DTNB: variants seen among roughly 807,000 people sequenced by gnomAD.
The protein encoded by DTNB is DTN-B.
Under a neutral mutation model 90.7 loss-of-function variants are expected in DTNB, and 63 were observed. The ratio of observed to expected loss-of-function variants is 0.69; its 90% CI spans 0.57 to 0.86. DTNB has a LOEUF of 0.86. Among genes scored for constraint, DTNB ranks in the 40% least tolerant of loss-of-function variants. The probability of loss-of-function intolerance (pLI) is 0.00; values close to 1 mark genes in which losing one functional copy is unlikely to be tolerated. For missense variants in DTNB, 744 were observed against 807.1 expected (o/e 0.92, Z 0.95); for synonymous variants, 277 against 286.7 (o/e 0.97, Z 0.34).
chr2:25,502,468 C>T (rs1185987015), intron 9 of DTNB, among the ~76,000 whole-genome samples: 1 of 152,104 alleles, frequency 6.6e-6, no homozygotes, highest in Non-Finnish European at 1.5e-5. Flanking sequence ...CACAGTGGCT[C>T]ACTCCTGTAA....
At chr2:25,509,490 G>A (rs2073410510) in intron 9 of DTNB, among the ~76,000 whole-genome samples, 1 of 150,948 alleles carries the variant, frequency 6.6e-6, no homozygotes, top group East Asian at 1.9e-4. Context: ...ATCTGCAAAT[G>A]TTTTTGTCTT....
In DTNB at chr2:25,482,789, T is replaced by C. The variant is rs1247099725; in HGVS notation, c.1079+7A>G. The C allele has an allele frequency of 1.2e-6, 2 of 1,613,466 alleles. No individual in the cohort carries two copies. Among genetic ancestry groups the C allele is most frequent in the Non-Finnish European group, 1.7e-6 (2 of 1,179,766 alleles). ...ACACCCAAGTCGAAGGCACAAGACA[T>C]ACGTACCTCTTGGTGGGAGTGGGCA... On this transcript the variant is annotated splice_region_variant and intron_variant, in intron 10 of 20. Coordinates refer to ENST00000406818, the MANE Select transcript of DTNB (RefSeq NM_021907.5).
chr2:25,665,913 A>G (rs2084327688), intron 1 of DTNB, among the ~76,000 whole-genome samples: 1 of 152,198 alleles, frequency 6.6e-6, no homozygotes, highest in African/African-American at 2.4e-5. Flanking sequence ...AAGAGTTCTG[A>G]GTAGCTAAAT....
intron 6 of DTNB, among the ~76,000 whole-genome samples, chr2:25,590,057 A>G (rs1197445536): frequency 1.3e-5 from 2 of 152,164 alleles, no homozygotes; most frequent in East Asian, 3.9e-4. Flanking sequence ...GACCAGGCAT[A>G]CTGCAAGCTG....
intron 5 of DTNB, among the ~76,000 whole-genome samples, chr2:25,600,935 G>A (rs2065746326): frequency 1.3e-5 from 2 of 152,092 alleles, no homozygotes; most frequent in Non-Finnish European, 1.5e-5. Context: ...TAAGAGAAGT[G>A]GAAACATGTC....
At chr2:25,449,609 C>T (rs2058965029) in intron 12 of DTNB, among the ~76,000 whole-genome samples, 1 of 152,064 alleles carries the variant, frequency 6.6e-6, no homozygotes, top group Non-Finnish European at 1.5e-5. Flanking sequence ...ACTGGCATAT[C>T]TTCTTTGTGG....
chr2:25,548,307 T>C (rs1187016221), intron 8 of DTNB, among the ~76,000 whole-genome samples: 1 of 152,220 alleles, frequency 6.6e-6, no homozygotes, highest in African/African-American at 2.4e-5. Flanking sequence ...TTTAGGTACA[T>C]TGTGCTTTTC....
chr2:25,512,874 A>G (rs969745878), intron 9 of DTNB, among the ~76,000 whole-genome samples: 2 of 152,260 alleles, frequency 1.3e-5, no homozygotes, highest in Non-Finnish European at 2.9e-5. Flanking sequence ...TCCATAAATT[A>G]GTAGTAGAAG....
At chr2:25,557,234 A>G (rs936231776) in intron 8 of DTNB, among the ~76,000 whole-genome samples, 1 of 152,212 alleles carries the variant, frequency 6.6e-6, no homozygotes, top group African/African-American at 2.4e-5. Flanking sequence ...GACTGGAGTT[A>G]GAGGGAGTAT....
intron 8 of DTNB, among the ~76,000 whole-genome samples, chr2:25,562,849 T>G (rs1161269588): frequency 6.6e-6 from 1 of 152,216 alleles, no homozygotes; most frequent in Non-Finnish European, 1.5e-5. Context: ...CTCAGCTCAC[T>G]GCAACCTCCA....
chr2:25,553,481 T>C (rs989764574), intron 8 of DTNB, among the ~76,000 whole-genome samples: 1 of 151,966 alleles, frequency 6.6e-6, no homozygotes, highest in Non-Finnish European at 1.5e-5. Context: ...CTCATGCTTG[T>C]AATCCTAGCA....
At chr2:25,625,747 TCTTC>T (rs2073997086) in intron 4 of DTNB, among the ~76,000 whole-genome samples, 1 of 152,094 alleles carries the variant, frequency 6.6e-6, no homozygotes, top group Non-Finnish European at 1.5e-5. Flanking sequence ...ATCTCTGCCC[TCTTC>T]CTTCCTCTCC....
chr2:25,596,112 A>G lies in DTNB; in HGVS notation c.577T>C (p.Ser193Pro). 1.2e-6 allele frequency: 2 copies of G among 1,612,418 alleles called. No individual in the cohort carries two copies. The highest frequency in any genetic ancestry group is 1.7e-6 in the Non-Finnish European group (2 of 1,179,292). The change falls in exon 6 of 21, where the codon TCA (serine) becomes CCA (proline). Residue 193 changes from serine (S) to proline (P), a missense_variant. By Grantham distance (74) the Ser-to-Pro change is moderately conservative. Coordinates refer to ENST00000406818, the MANE Select transcript of DTNB (RefSeq NM_021907.5). ...EGPSFGYTEH[S>P]VRTCFPQQRK... ...TGCTGTGGAAAACAGGTGCGGACTG[A>G]GTGCTCTGTGTAACCAAAAGATGGC...
At chr2:25,476,668 T>A (rs2063805810) in intron 10 of DTNB, among the ~76,000 whole-genome samples, 1 of 152,138 alleles carries the variant, frequency 6.6e-6, no homozygotes, top group Non-Finnish European at 1.5e-5. Context: ...TAGAATTAGG[T>A]GTGAAGCCTG....
chr2:25,600,715 C>A (rs1308273980), intron 5 of DTNB, among the ~76,000 whole-genome samples: 1 of 152,132 alleles, frequency 6.6e-6, no homozygotes, highest in Non-Finnish European at 1.5e-5. Flanking sequence ...GCTTCACAAT[C>A]ACAAAAATGT....
At chr2:25,501,604 TG>T (rs1200198530) in intron 9 of DTNB, among the ~76,000 whole-genome samples, 17 of 152,184 alleles carry the variant, frequency 1.1e-4, no homozygotes, top group Admixed American at 1.1e-3. Flanking sequence ...CTTGAACTTC[TG>T]ACCTCAAGAG....
chr2:25,527,456 G>A (rs1349952338), intron 9 of DTNB, among the ~76,000 whole-genome samples: 1 of 152,062 alleles, frequency 6.6e-6, no homozygotes, highest in African/African-American at 2.4e-5. Flanking sequence ...CCGGGAGGGG[G>A]AGGTTGCAGT....
In DTNB at chr2:25,536,109, C is replaced by T. The variant is rs184036654; in HGVS notation, c.877-4512G>A. ...GGCGCTCCTCACTTCCCAGACGGGG[C>T]GGCCGGGCAGAGGCACTCCTCACAT... On this transcript the variant is annotated intron_variant, in intron 8 of 20. Transcript: ENST00000406818. Among the ~76,000 whole-genome samples, 643 of 149,214 alleles carry T rather than the reference C, an allele frequency of 4.3e-3. 4 individuals are homozygous for T. Among genetic ancestry groups the T allele is most frequent in the African/African-American group, 0.015 (592 of 40,280 alleles).
At chr2:25,629,672 C>T (rs114967697) in intron 3 of DTNB, among the ~76,000 whole-genome samples, 1,949 of 152,202 alleles carry the variant, frequency 0.013, 43 homozygotes, top group African/African-American at 0.043. Flanking sequence ...ATGATCAACT[C>T]AATAGACATA....
Sources: gnomAD v4.1 joint callset for allele counts (sites outside exome capture counted in the v4.1 genomes callset) on GRCh38, gnomAD v4.1.1 for gene constraint, MANE v1.5 for transcripts, NCBI Gene and HGNC (gene_info 2026-07-23, HGNC 2026-07-21) for gene names.